Variants in CERS6 observed in about 807,000 individuals in gnomAD.
CERS6 encodes the protein LAG1 homolog, ceramide synthase 6.
CERS6 carries 26 observed loss-of-function variants against 56.8 expected under a neutral mutation model. The ratio of observed to expected loss-of-function variants is 0.46; its 90% confidence interval spans 0.34 to 0.63. CERS6 has a LOEUF of 0.63. Ranked by LOEUF, CERS6 falls within the 30% of genes least tolerant of loss-of-function variation. The pLI is 0.01. For missense variants in CERS6, 415 were observed against 467.5 expected (o/e 0.89, Z 1.04); for synonymous variants, 164 against 173.3 (o/e 0.95, Z 0.42).
At chr2:168,603,258 T>C (rs1683976217) in intron 3 of CERS6, among the ~76,000 whole-genome samples, 3 of 152,202 alleles carry the variant, frequency 2.0e-5, no homozygotes, top group Admixed American at 2.0e-4. Flanking sequence ...TCCTTTCATA[T>C]TTGAACATTT....
At chr2:168,529,945 A>G (rs1695136858) in intron 1 of CERS6, among the ~76,000 whole-genome samples, 1 of 151,624 alleles carries the variant, frequency 6.6e-6, no homozygotes, top group South Asian at 2.1e-4. Context: ...GGACAAATCC[A>G]GCAGTCACAG....
At chr2:168,688,698 T>C (rs1343588034) in intron 4 of CERS6, among the ~76,000 whole-genome samples, 1 of 152,172 alleles carries the variant, frequency 6.6e-6, no homozygotes, top group Non-Finnish European at 1.5e-5. Flanking sequence ...AAAGAATATA[T>C]TCCTAAATGA....
intron 3 of CERS6, among the ~76,000 whole-genome samples, chr2:168,615,199 G>A (rs1406477679): frequency 1.3e-5 from 2 of 152,126 alleles, no homozygotes; most frequent in Non-Finnish European, 1.5e-5. Flanking sequence ...CACCTCATGG[G>A]ACAAAGAATC....
Position 168,475,932 on chromosome 2 carries a change from C to T in CERS6, c.170+19314C>T, listed in dbSNP as rs142692896. Among the ~76,000 whole-genome samples the T allele has an allele frequency of 5.3e-5, 8 of 152,258 alleles. No individual in the cohort carries two copies. The East Asian group carries it at 1.2e-3, about 22-fold the overall frequency. On this transcript the variant is annotated intron_variant, in intron 1 of 9. Transcript: ENST00000305747. ...ACAACTACCCTCTCACATGCAAGTC[C>T]GGGCTCACTGTTTTTGTTAGCTAGG...
At chr2:168,689,547 T>G (rs528977018) in intron 4 of CERS6, among the ~76,000 whole-genome samples, 1 of 152,272 alleles carries the variant, frequency 6.6e-6, no homozygotes, top group South Asian at 2.1e-4. Flanking sequence ...ACAGTAAGCC[T>G]CCCAAGTAGT....
intron 6 of CERS6, among the ~76,000 whole-genome samples, chr2:168,708,073 T>C (rs1275407552): frequency 6.6e-6 from 1 of 152,192 alleles, no homozygotes; most frequent in Admixed American, 6.5e-5. Context: ...AGAGGTTTTA[T>C]ATATATTCAT....
chr2:168,571,026 T>C (rs1695975869), intron 3 of CERS6, among the ~76,000 whole-genome samples: 1 of 152,212 alleles, frequency 6.6e-6, no homozygotes. Flanking sequence ...AGTGGTTTCC[T>C]TCTAGGGCCC....
intron 6 of CERS6, among the ~76,000 whole-genome samples, chr2:168,696,993 C>A (rs1686667500): frequency 6.6e-6 from 1 of 152,094 alleles, no homozygotes; most frequent in Non-Finnish European, 1.5e-5. Flanking sequence ...TGTAATGTAT[C>A]ATTTCTTGGT....
chr2:168,476,289 T>A (rs1420445287), intron 1 of CERS6, among the ~76,000 whole-genome samples: 1 of 151,296 alleles, frequency 6.6e-6, no homozygotes, highest in African/African-American at 2.4e-5. Context: ...GAAAAAAAAA[T>A]CAATGCATGC....
At chr2:168,755,648 A>T (rs1044853137) in intron 8 of CERS6, among the ~76,000 whole-genome samples, 3 of 152,236 alleles carry the variant, frequency 2.0e-5, no homozygotes, top group African/African-American at 7.2e-5. Context: ...CTACCCAAAT[A>T]GGAAGCCAAA....
intron 8 of CERS6, among the ~76,000 whole-genome samples, chr2:168,724,401 G>A (rs538693760): frequency 6.6e-6 from 1 of 152,262 alleles, no homozygotes; most frequent in East Asian, 1.9e-4. Flanking sequence ...CAGTGTGGAA[G>A]GCAACCTGAG....
chr2:168,759,608 T>C (rs1684511035), intron 8 of CERS6, among the ~76,000 whole-genome samples: 1 of 152,238 alleles, frequency 6.6e-6, no homozygotes, highest in African/African-American at 2.4e-5. Flanking sequence ...GTGATTTTAA[T>C]GAATCATAAG....
At position 168,547,632 on chromosome 2, in the gene CERS6, T is replaced by G; in HGVS notation, c.207T>G (p.Ile69Met). ...VAKPCAIALN[I>M]QANGPQIAPP... ...AACCGTGCGCCATAGCCCTCAACAT[T>G]CAGGCCAATGGACCACAAATTGCTC... The change falls in exon 2 of 10, where the codon ATT becomes ATG. Residue 69 changes from isoleucine to methionine, a missense_variant. By Grantham distance (10) the Ile-to-Met change is conservative. Transcript: ENST00000305747. 6.2e-7 allele frequency: 1 copy of G among 1,614,074 alleles called. No homozygotes were observed. The highest frequency in any genetic ancestry group is 8.5e-7 in the Non-Finnish European group (1 of 1,179,904).
chr2:168,627,193 C>T (rs1684609950), intron 3 of CERS6, among the ~76,000 whole-genome samples: 1 of 151,970 alleles, frequency 6.6e-6, no homozygotes, highest in African/African-American at 2.4e-5. Context: ...GAATTCATCC[C>T]TTGATTATTA....
rs147084852 is a variant in CERS6, at chr2:168,758,857, A to G, written c.846-6735A>G. On this transcript the variant is annotated intron_variant, in intron 8 of 9. Transcript: ENST00000305747. ...GACTGCAGTCCTCAGGTTGCAGGGT[A>G]AAGCATAATGCTTTAAGTCACAGTG... Among the ~76,000 whole-genome samples, 333 of 152,272 alleles carry G rather than the reference A, an allele frequency of 2.2e-3. 1 individual carries two copies. The highest frequency in any genetic ancestry group is 7.8e-3 in the African/African-American group (325 of 41,530).
chr2:168,719,775 T>C (rs907850231), intron 8 of CERS6, among the ~76,000 whole-genome samples: 15 of 152,134 alleles, frequency 9.9e-5, no homozygotes, highest in African/African-American at 3.6e-4. Context: ...TCTCTTCCAG[T>C]CACAATACAT....
At chr2:168,720,157 T>C (rs866931666) in intron 8 of CERS6, among the ~76,000 whole-genome samples, 2 of 151,860 alleles carry the variant, frequency 1.3e-5, no homozygotes, top group African/African-American at 4.8e-5. Context: ...CTCAAACTCC[T>C]GACCTCAAGT....
intron 3 of CERS6, among the ~76,000 whole-genome samples, chr2:168,612,179 A>G (rs935967935): frequency 6.6e-6 from 1 of 152,228 alleles, no homozygotes; most frequent in Admixed American, 6.5e-5. Context: ...AAAGAGGCAT[A>G]GGGAGTGCCC....
At chr2:168,601,642 T>C (rs1449919902) in intron 3 of CERS6, among the ~76,000 whole-genome samples, 1 of 151,964 alleles carries the variant, frequency 6.6e-6, no homozygotes, top group Admixed American at 6.6e-5. Context: ...CTCCACATCC[T>C]GGGTTCAAGC....
Sources: allele counts gnomAD v4.1 joint callset (sites outside exome capture counted in the v4.1 genomes callset), GRCh38; gene constraint gnomAD v4.1.1; transcripts MANE v1.5; gene names NCBI Gene and HGNC (gene_info 2026-07-23, HGNC 2026-07-21).